The following TEX2 variants were observed in gnomAD, a reference collection of about 807,000 sequenced individuals.
TEX2 encodes testis expressed 2.
Under a neutral mutation model 106.9 loss-of-function variants are expected in TEX2, and 53 were observed. The observed-to-expected ratio is 0.50, with a 90% CI of 0.40 to 0.62. TEX2 has a LOEUF of 0.62. Among genes scored for constraint, TEX2 ranks in the 20% least tolerant of loss-of-function variants. TEX2 has a pLI of 0.00. For missense variants in TEX2, 1,207 were observed against 1,379.0 expected (o/e 0.88, Z 1.98); for synonymous variants, 523 against 534.8 (o/e 0.98, Z 0.30).
At chr17:64,189,047 G>A (rs1199013919) in intron 4 of TEX2, among the ~76,000 whole-genome samples, 1 of 152,110 alleles carries the variant, frequency 6.6e-6, no homozygotes, top group African/African-American at 2.4e-5. Flanking sequence ...GTGCTATCAG[G>A]GGTAAATGGA....
intron 1 of TEX2, among the ~76,000 whole-genome samples, chr17:64,224,914 T>G (rs1335471963): frequency 6.6e-6 from 1 of 151,714 alleles, no homozygotes; most frequent in Non-Finnish European, 1.5e-5. Context: ...ATACAAGGCC[T>G]GTGGAGGTTT....
intron 10 of TEX2, 130 bp from the exon 11 acceptor site, chr17:64,151,091 C>T: frequency 9.1e-7 from 1 of 1,099,924 alleles, no homozygotes; most frequent in Non-Finnish European, 1.3e-6. Flanking sequence ...TGAAAATGCC[C>T]TCTAAAAATA....
intron 1 of TEX2, among the ~76,000 whole-genome samples, chr17:64,231,518 C>T (rs782744195): frequency 2.0e-5 from 3 of 152,202 alleles, no homozygotes; most frequent in Non-Finnish European, 4.4e-5. Flanking sequence ...TGGACAGGAC[C>T]GTCTCTGGGG....
At chr17:64,162,390 A>AT (rs1735056265) in intron 7 of TEX2, among the ~76,000 whole-genome samples, 3 of 152,228 alleles carry the variant, frequency 2.0e-5, no homozygotes, top group African/African-American at 7.2e-5. Flanking sequence ...TTATTGTTGT[A>AT]TAGTATTTCC....
rs1169214382 is a variant in TEX2 at position 64,160,869 on chromosome 17, C to A, written c.2736G>T (p.Met912Ile). 6.2e-7 allele frequency: 1 copy of A among 1,614,026 alleles called. No individual in the cohort carries two copies. The highest frequency in any genetic ancestry group is 8.5e-7 in the Non-Finnish European group (1 of 1,180,018). Residue 912 changes from methionine to isoleucine, a missense_variant, in exon 8 of 12, where the codon ATG (methionine) becomes ATT (isoleucine). Met to Ile is a conservative substitution (Grantham distance 10, BLOSUM62 1). Coordinates refer to ENST00000584379, the MANE Select transcript of TEX2 (RefSeq NM_001288732.2). ...GSFLMTLETKMNLTKLGKEPL... is the reference protein window; with the variant it reads ...GSFLMTLETKINLTKLGKEPL... ...GCTCTTTACCTAGTTTGGTCAAATT[C>A]ATTTTGGTCTCGAGAGTCATCAGAA...
intron 1 of TEX2, among the ~76,000 whole-genome samples, chr17:64,262,297 G>A (rs569394005): frequency 1.6e-4 from 25 of 152,308 alleles, no homozygotes; most frequent in African/African-American, 5.5e-4. Context: ...AAAGAGCGAG[G>A]GTGGAAACAG....
intron 5 of TEX2, among the ~76,000 whole-genome samples, chr17:64,178,550 G>C (rs1396108109): frequency 6.6e-6 from 1 of 152,150 alleles, no homozygotes; most frequent in East Asian, 1.9e-4. Flanking sequence ...GCTCTGTCCT[G>C]TGTGTGGCGG....
chr17:64,182,649 C>A (rs556001510), intron 5 of TEX2, among the ~76,000 whole-genome samples: 1 of 152,222 alleles, frequency 6.6e-6, no homozygotes, highest in South Asian at 2.1e-4. Context: ...TCCCCCTGCC[C>A]ACCAGTCTAG....
At chr17:64,151,006 A>C (rs1444625695) in intron 10 of TEX2, 45 bp from the exon 11 acceptor site, 2 of 1,606,210 alleles carry the variant, frequency 1.2e-6, no homozygotes, top group African/African-American at 2.7e-5. Flanking sequence ...CAAAGCAAGG[A>C]ATGAGACAGG....
At chr17:64,208,022 C>A (rs549973175) in intron 2 of TEX2, among the ~76,000 whole-genome samples, 1 of 152,170 alleles carries the variant, frequency 6.6e-6, no homozygotes, top group African/African-American at 2.4e-5. Context: ...GCGTGAGCCA[C>A]CACACCCGGC....
At chr17:64,179,841 C>G (rs927630388) in intron 5 of TEX2, among the ~76,000 whole-genome samples, 1 of 152,066 alleles carries the variant, frequency 6.6e-6, no homozygotes, top group East Asian at 1.9e-4. Context: ...CTGCTTCACC[C>G]TTCTTAATGG....
intron 1 of TEX2, among the ~76,000 whole-genome samples, chr17:64,262,910 G>A (rs1555638793): frequency 6.6e-6 from 1 of 152,164 alleles, no homozygotes; most frequent in Non-Finnish European, 1.5e-5. Flanking sequence ...GGACGGGGCC[G>A]GCAGCTCCTC....
In TEX2 at chr17:64,213,129, G is replaced by A. The variant is rs782261194; in HGVS notation, c.1089C>T (p.Asn363=). The A allele has an allele frequency of 6.8e-6, 11 of 1,614,188 alleles. No homozygotes were observed. Among genetic ancestry groups the A allele is most frequent in the East Asian group, 2.2e-5 (1 of 44,888 alleles). Reference sequence around the variant, plus strand: ...ACTTTGGGTGGTCACTTCTGGGGATGTTGGAATCACTTCCGTAGCCATCCC... The same window carrying A: ...ACTTTGGGTGGTCACTTCTGGGGATATTGGAATCACTTCCGTAGCCATCCC... ...SEGDGYGSDS[N]IPRSDHPKST... Residue 363 remains asparagine, a synonymous_variant, in exon 2 of 12, where the codon AAC becomes AAT. Coordinates refer to ENST00000584379, the MANE Select transcript of TEX2 (RefSeq NM_001288732.2). The surrounding 1 kb of genome is among the most constrained non-coding windows in gnomAD (Gnocchi z 4.4).
intron 1 of TEX2, among the ~76,000 whole-genome samples, chr17:64,221,455 A>G (rs2033358138): frequency 6.6e-6 from 1 of 152,236 alleles, no homozygotes; most frequent in Admixed American, 6.5e-5. Context: ...GATGCTCAAC[A>G]TCACTAGTTA....
At chr17:64,196,043 A>G (rs2032456338) in intron 2 of TEX2, among the ~76,000 whole-genome samples, 1 of 152,216 alleles carries the variant, frequency 6.6e-6, no homozygotes. Flanking sequence ...ACTACATGGG[A>G]GTTGGGACTG....
At chr17:64,200,777 C>T (rs186465589) in intron 2 of TEX2, among the ~76,000 whole-genome samples, 2 of 152,276 alleles carry the variant, frequency 1.3e-5, no homozygotes, top group Admixed American at 1.3e-4. Flanking sequence ...AGATGCTTTC[C>T]TTCTCTTGCG....
In TEX2 at chr17:64,214,110, A is replaced by G. The variant is rs546186176; in HGVS notation, c.108T>C (p.Ile36=). The change falls in exon 2 of 12, where the codon ATT becomes ATC. Residue 36 remains isoleucine (I), a synonymous_variant. Coordinates refer to ENST00000584379, the MANE Select transcript of TEX2 (RefSeq NM_001288732.2). Reference sequence around the variant, plus strand: ...CCTCCTCGCCGGATGCCGAGAAGTGAATGGCGATGGTATCTCGGGACACGG... The same window carrying G: ...CCTCCTCGCCGGATGCCGAGAAGTGGATGGCGATGGTATCTCGGGACACGG... ...QRSVSRDTIA[I]HFSASGEEEE... The G allele has an allele frequency of 6.2e-7, 1 of 1,614,054 alleles. No individual in the cohort carries two copies. Among genetic ancestry groups the G allele is most frequent in the African/African-American group, 1.3e-5 (1 of 74,990 alleles).
intron 8 of TEX2, chr17:64,155,865 A>C (rs1254392632): frequency 2.0e-5 from 3 of 152,234 alleles, no homozygotes; most frequent in African/African-American, 7.2e-5. Context: ...TCCTCCCTGG[A>C]CCGTGGCTTT....
intron 1 of TEX2, among the ~76,000 whole-genome samples, chr17:64,222,714 T>C (rs1057114460): frequency 2.6e-5 from 4 of 151,322 alleles, no homozygotes; most frequent in Non-Finnish European, 4.4e-5. Flanking sequence ...TTATGCCAAC[T>C]AAAACAATTC....
Sources: allele counts gnomAD v4.1 joint callset (sites outside exome capture counted in the v4.1 genomes callset), GRCh38; gene constraint gnomAD v4.1.1; non-coding constraint Gnocchi (gnomAD v3.1); transcripts MANE v1.5; gene names NCBI Gene and HGNC (gene_info 2026-07-23, HGNC 2026-07-21).